Variants in TCERG1L observed in about 807,000 individuals in gnomAD.
TCERG1L encodes the protein transcription elongation regulator 1 like, also known as transcription elongation regulator 1-like protein.
A neutral mutation model predicts 56.3 loss-of-function variants in TCERG1L; 37 were observed. The observed-to-expected ratio is 0.66, with a 90% CI of 0.51 to 0.87. The LOEUF (loss-of-function observed/expected upper bound fraction) is 0.87. Among genes scored for constraint, TCERG1L ranks in the 40% least tolerant of loss-of-function variants. The probability of loss-of-function intolerance (pLI) is 0.00; values close to 1 mark genes in which losing one functional copy is unlikely to be tolerated. For missense variants in TCERG1L, 799 were observed against 774.2 expected (o/e 1.03, Z -0.38); for synonymous variants, 324 against 326.3 (o/e 0.99, Z 0.08).
chr10:131,232,378 G>A (rs1179811728), intron 4 of TCERG1L, among the ~76,000 whole-genome samples: 2 of 152,336 alleles, frequency 1.3e-5, no homozygotes, highest in Middle Eastern at 3.4e-3. Context: ...CCTGGCAGCC[G>A]CCTCCAACAG....
intron 4 of TCERG1L, among the ~76,000 whole-genome samples, chr10:131,204,601 G>A (rs1045099179): frequency 1.6e-4 from 24 of 152,242 alleles, no homozygotes; most frequent in Non-Finnish European, 2.2e-4. Context: ...AGTGGGGCAC[G>A]GAGCCAGCTC....
chr10:131,239,874 AC>A (rs1475617424), intron 4 of TCERG1L, among the ~76,000 whole-genome samples: 1 of 152,208 alleles, frequency 6.6e-6, no homozygotes, highest in Non-Finnish European at 1.5e-5. Flanking sequence ...TTATCTTACT[AC>A]AGCCCCTAGA....
intron 4 of TCERG1L, among the ~76,000 whole-genome samples, chr10:131,233,652 C>T (rs575086865): frequency 6.6e-6 from 1 of 152,286 alleles, no homozygotes; most frequent in East Asian, 1.9e-4. Flanking sequence ...TTAAAGCATA[C>T]ATTTTGAAAC....
intron 4 of TCERG1L, among the ~76,000 whole-genome samples, chr10:131,205,180 T>C (rs1255523391): frequency 1.3e-5 from 2 of 152,064 alleles, no homozygotes; most frequent in South Asian, 2.1e-4. Context: ...AAAAAGAAGG[T>C]TAATGCTCGC....
At chr10:131,144,184 G>A (rs1845770065) in intron 7 of TCERG1L, among the ~76,000 whole-genome samples, 1 of 152,114 alleles carries the variant, frequency 6.6e-6, no homozygotes, top group Admixed American at 6.5e-5. Flanking sequence ...AATAATGGAT[G>A]TCGACTGAAA....
At chr10:131,100,824 T>G (rs1845297762) in intron 10 of TCERG1L, among the ~76,000 whole-genome samples, 1 of 152,216 alleles carries the variant, frequency 6.6e-6, no homozygotes, top group African/African-American at 2.4e-5. Context: ...GACTGTGGTC[T>G]TTGGATGGGG....
chr10:131,284,389 T>C (rs75481369), intron 3 of TCERG1L, among the ~76,000 whole-genome samples: 11,236 of 151,840 alleles, frequency 0.074, 517 homozygotes, highest in African/African-American at 0.11. Flanking sequence ...ATTAAAAAAT[T>C]TACAAAAAGC....
At chr10:131,162,857 C>T (rs1483293833) in intron 6 of TCERG1L, 2 of 330,622 alleles carry the variant, frequency 6.0e-6, no homozygotes. Context: ...CACTGCCTTT[C>T]GCTGATAGAC....
chr10:131,160,556 A>G (rs1374289733), intron 6 of TCERG1L, among the ~76,000 whole-genome samples: 2 of 152,110 alleles, frequency 1.3e-5, no homozygotes, highest in Non-Finnish European at 2.9e-5. Flanking sequence ...CCACTCTCAG[A>G]AACCCACAAG....
intron 8 of TCERG1L, among the ~76,000 whole-genome samples, chr10:131,133,566 C>T (rs549345584): frequency 5.7e-4 from 87 of 152,212 alleles, no homozygotes; most frequent in Non-Finnish European, 9.4e-4. Flanking sequence ...TATTGATTTG[C>T]CTTTCAGGGT....
At chr10:131,215,630 C>T (rs1252158612) in intron 4 of TCERG1L, among the ~76,000 whole-genome samples, 1 of 152,074 alleles carries the variant, frequency 6.6e-6, no homozygotes, top group Non-Finnish European at 1.5e-5. Flanking sequence ...GATGCCTGGT[C>T]CAGCCCATGG....
chr10:131,249,958 G>C (rs1392181954), intron 4 of TCERG1L, among the ~76,000 whole-genome samples: 1 of 152,212 alleles, frequency 6.6e-6, no homozygotes, highest in Non-Finnish European at 1.5e-5. Flanking sequence ...CCAGAAAGGA[G>C]CACACACCTG....
chr10:131,272,307 C>T (rs571579400), intron 3 of TCERG1L, among the ~76,000 whole-genome samples: 53 of 152,348 alleles, frequency 3.5e-4, no homozygotes, highest in African/African-American at 1.0e-3. Flanking sequence ...ATTCAGGACA[C>T]GTGCGTTTGA....
chr10:131,249,303 C>T (rs1846079109), intron 4 of TCERG1L, among the ~76,000 whole-genome samples: 1 of 152,270 alleles, frequency 6.6e-6, no homozygotes, highest in African/African-American at 2.4e-5. Context: ...GGGAATACAG[C>T]AAGCTCTGGA....
At chr10:131,101,769 C>T (rs1845306375) in intron 10 of TCERG1L, among the ~76,000 whole-genome samples, 5 of 152,034 alleles carry the variant, frequency 3.3e-5, no homozygotes, top group Admixed American at 1.3e-4. Context: ...GGCGTGATCT[C>T]GGCTCACTGC....
At chr10:131,196,486 T>C (rs185200965) in intron 4 of TCERG1L, among the ~76,000 whole-genome samples, 2 of 152,232 alleles carry the variant, frequency 1.3e-5, no homozygotes, top group African/African-American at 4.8e-5. Context: ...GGCCTGAGCA[T>C]GTTCTGAGGA....
intron 4 of TCERG1L, among the ~76,000 whole-genome samples, chr10:131,237,727 G>A (rs975011085): frequency 4.6e-5 from 7 of 152,264 alleles, no homozygotes; most frequent in Non-Finnish European, 4.4e-5. Context: ...TCCAGGCATC[G>A]GCGGGGTGGA....
At chr10:131,149,980 G>A (rs553530746) in intron 6 of TCERG1L, among the ~76,000 whole-genome samples, 40 of 152,350 alleles carry the variant, frequency 2.6e-4, no homozygotes, top group African/African-American at 9.1e-4. Flanking sequence ...CCAGCAGCAA[G>A]AGGGCCCATT....
chr10:131,240,118 G>A (rs1182259205), intron 4 of TCERG1L, among the ~76,000 whole-genome samples: 1 of 152,208 alleles, frequency 6.6e-6, no homozygotes, highest in Non-Finnish European at 1.5e-5. Flanking sequence ...ATCCCTGGGA[G>A]GACAGTGGTC....
Sources: gnomAD v4.1 joint callset for allele counts (sites outside exome capture counted in the v4.1 genomes callset) on GRCh38, gnomAD v4.1.1 for gene constraint, MANE v1.5 for transcripts, NCBI Gene and HGNC (gene_info 2026-07-23, HGNC 2026-07-21) for gene names.